Variants in ZMYM5 observed in about 807,000 individuals in gnomAD.
The protein encoded by ZMYM5 is zinc finger MYM-type protein 5.
Under a neutral mutation model 61.8 loss-of-function variants are expected in ZMYM5, and 41 were observed. The ratio of observed to expected loss-of-function variants is 0.66; its 90% CI spans 0.52 to 0.86. The LOEUF (loss-of-function observed/expected upper bound fraction) is 0.86. Ranked by LOEUF, ZMYM5 falls within the 40% of genes least tolerant of loss-of-function variation. The pLI, the probability that ZMYM5 is intolerant of heterozygous loss-of-function variation, is 0.00. For missense variants in ZMYM5, 706 were observed against 786.7 expected, an observed-to-expected ratio of 0.90 and a Z score of 1.23; for synonymous variants, 257 against 276.4, an observed-to-expected ratio of 0.93 and a Z score of 0.70.
At chr13:19,849,973 T>C (rs934174636) in intron 4 of ZMYM5, among the ~76,000 whole-genome samples, 3 of 149,196 alleles carry the variant, frequency 2.0e-5, no homozygotes, top group Non-Finnish European at 4.4e-5. Context: ...AGAGACTCTG[T>C]CTCAAAAAAA....
At position 19,824,467 on chromosome 13, in the gene ZMYM5, C is replaced by G; in HGVS notation, c.*10G>C. ...TTCTGATCATCATGCCAAAAAACAA[C>G]TCAGGTATATTACGTGTACAACAAC... On this transcript the variant is annotated 3_prime_UTR_variant, in exon 8 of 8. Transcript: ENST00000337963. 4 of 1,278,600 alleles carry G rather than the reference C, an allele frequency of 3.1e-6. No individual in the cohort carries two copies. The highest frequency in any genetic ancestry group is 4.1e-6 in the Non-Finnish European group (4 of 986,168). 79.2% of individuals were successfully genotyped at this position (1,278,600 alleles called of 1,614,324 possible).
chr13:19,854,370 A>G (rs901518416), intron 2 of ZMYM5, among the ~76,000 whole-genome samples: 2 of 152,172 alleles, frequency 1.3e-5, no homozygotes, highest in Non-Finnish European at 2.9e-5. Context: ...CACACCTGTA[A>G]TCCCAGTACT....
intron 2 of ZMYM5, among the ~76,000 whole-genome samples, chr13:19,861,283 G>A (rs931684632): frequency 6.6e-6 from 1 of 152,076 alleles, no homozygotes; most frequent in African/African-American, 2.4e-5. Context: ...TGAGTAGCTG[G>A]GACTACAGGC....
At chr13:19,841,152 A>G (rs1001764754) in intron 4 of ZMYM5, among the ~76,000 whole-genome samples, 3 of 151,448 alleles carry the variant, frequency 2.0e-5, no homozygotes, top group African/African-American at 7.3e-5. Flanking sequence ...TTTAGTAGAG[A>G]TGGGGTTTCA....
chr13:19,837,024 G>GTTTTTTTTTTT (rs11449895), intron 6 of ZMYM5, among the ~76,000 whole-genome samples: 2 of 143,888 alleles, frequency 1.4e-5, no homozygotes, highest in African/African-American at 2.5e-5. Context: ...GTTGTTTTTT[G>GTTTTTTTTTTT]TTTTTTTTTT....
chr13:19,840,707 C>T (rs3964503), intron 4 of ZMYM5, among the ~76,000 whole-genome samples: 3 of 151,424 alleles, frequency 2.0e-5, no homozygotes, highest in East Asian at 3.9e-4. Flanking sequence ...GACGGAGTCT[C>T]GCTCTGTCGC....
intron 6 of ZMYM5, among the ~76,000 whole-genome samples, chr13:19,837,024 G>GTTTTTTTTTT (rs11449895): frequency 6.9e-6 from 1 of 143,890 alleles, no homozygotes. Context: ...GTTGTTTTTT[G>GTTTTTTTTTT]TTTTTTTTTT....
chr13:19,854,521 A>G (rs1479825003), intron 2 of ZMYM5, among the ~76,000 whole-genome samples: 2 of 151,266 alleles, frequency 1.3e-5, no homozygotes, highest in African/African-American at 4.9e-5. Flanking sequence ...GCTACTCAGG[A>G]GTCTGAGGCA....
intron 2 of ZMYM5, among the ~76,000 whole-genome samples, chr13:19,854,753 G>A (rs982649084): frequency 6.6e-6 from 1 of 151,960 alleles, no homozygotes; most frequent in African/African-American, 2.4e-5. Context: ...CTTAAGTGAG[G>A]AAGGAACTAT....
chr13:19,851,237 A>G (rs1230017238), intron 4 of ZMYM5, 118 bp downstream of exon 4: 3 of 975,736 alleles, frequency 3.1e-6, no homozygotes, highest in Non-Finnish European at 3.1e-6. Flanking sequence ...AAACAAACAA[A>G]CAAGCAAACA....
chr13:19,831,719 G>C, intron 7 of ZMYM5, among the ~76,000 whole-genome samples: 1 of 120,104 alleles, frequency 8.3e-6, no homozygotes, highest in Non-Finnish European at 1.6e-5. Context: ...AGAATCGCTT[G>C]AAGCGGGAGG....
chr13:19,838,554 A>G (rs1012428573), intron 5 of ZMYM5, 146 bp downstream of exon 5: 14 of 1,023,764 alleles, frequency 1.4e-5, no homozygotes, highest in African/African-American at 1.3e-4. Flanking sequence ...GCTTGGATAT[A>G]TTCTAGGAGC....
intron 4 of ZMYM5, among the ~76,000 whole-genome samples, chr13:19,839,405 T>C (rs1052042861): frequency 6.6e-6 from 1 of 152,176 alleles, no homozygotes; most frequent in Non-Finnish European, 1.5e-5. Flanking sequence ...TTTTTTTTTT[T>C]TGAGACAGAA....
At chr13:19,858,467 C>T (rs910307136) in intron 2 of ZMYM5, among the ~76,000 whole-genome samples, 10 of 151,540 alleles carry the variant, frequency 6.6e-5, no homozygotes, top group African/African-American at 2.2e-4. Flanking sequence ...TGGTTGTGGT[C>T]CCAGCTACTT....
chr13:19,849,930 G>A (rs920064345), intron 4 of ZMYM5, among the ~76,000 whole-genome samples: 84 of 151,796 alleles, frequency 5.5e-4, no homozygotes, highest in African/African-American at 2.0e-3. Context: ...GCAGTGAGCC[G>A]AGATCGTGCC....
rs1952668601 is a variant in ZMYM5 at position 19,836,143 on chromosome 13, G to A, written c.1039-454C>T. 2.6e-5 allele frequency among the ~76,000 whole-genome samples: 4 copies of A among 152,070 alleles called. No individual in the cohort carries two copies. The South Asian group carries it at 8.3e-4, about 32-fold the overall frequency. ...CTAGCTGGGAAAAGATTTTTAAAAA[G>A]CATATTTTATTTTTTCCTTTATTTG... On this transcript the variant is annotated intron_variant, in intron 6 of 7. Transcript: ENST00000337963.
chr13:19,838,570 C>A lies in ZMYM5; in HGVS notation c.872+130G>T. The A allele has an allele frequency of 2.6e-6, 3 of 1,159,540 alleles. No homozygotes were observed. In the South Asian group the frequency reaches 4.6e-5, roughly 18 times the overall value. 71.8% of individuals were successfully genotyped at this position (1,159,540 alleles called of 1,614,324 possible). A position where few individuals can be genotyped will look rare whatever the true frequency, so the allele number is the denominator to read the frequency against. On this transcript the variant is annotated intron_variant, in intron 5 of 7. Coordinates refer to ENST00000337963, the MANE Select transcript of ZMYM5 (RefSeq NM_001142684.2). Reference sequence around the variant, plus strand: ...CTTGGATATATTCTAGGAGCTCAAGCTCAATAAACTTGAAGACACTCCTGC... The same window carrying A: ...CTTGGATATATTCTAGGAGCTCAAGATCAATAAACTTGAAGACACTCCTGC...
intron 4 of ZMYM5, among the ~76,000 whole-genome samples, chr13:19,848,081 A>G (rs1374698019): frequency 6.7e-6 from 1 of 149,082 alleles, no homozygotes; most frequent in African/African-American, 2.5e-5. Context: ...AGCAATTCTC[A>G]TGCCTCAGCC....
At chr13:19,861,639 T>C (rs1006027840) in intron 2 of ZMYM5, among the ~76,000 whole-genome samples, 5 of 152,166 alleles carry the variant, frequency 3.3e-5, no homozygotes, top group African/African-American at 4.8e-5. Context: ...GGAAAACTGT[T>C]TGATCAGGGT....
Sources: gnomAD v4.1 joint callset for allele counts (sites outside exome capture counted in the v4.1 genomes callset) on GRCh38, gnomAD v4.1.1 for gene constraint, MANE v1.5 for transcripts, NCBI Gene and HGNC (gene_info 2026-07-23, HGNC 2026-07-21) for gene names.